ZC3H13: variants seen among roughly 807,000 people sequenced by gnomAD.
ZC3H13 encodes zinc finger CCCH-type containing 13.
In ZC3H13, 64 loss-of-function variants were observed where a neutral mutation model predicts 204.1. The observed-to-expected ratio is 0.31, with a 90% CI of 0.26 to 0.39. The LOEUF (loss-of-function observed/expected upper bound fraction) is 0.39. Among genes scored for constraint, ZC3H13 ranks in the 10% least tolerant of loss-of-function variants. The pLI, the probability that ZC3H13 is intolerant of heterozygous loss-of-function variation, is 1.00. For missense variants in ZC3H13, 1,833 were observed against 2,082.7 expected, an observed-to-expected ratio of 0.88 and a Z score of 2.33; for synonymous variants, 667 against 693.7, an observed-to-expected ratio of 0.96 and a Z score of 0.60.
At chr13:45,992,990 G>GC (rs1305354957) in intron 8 of ZC3H13, among the ~76,000 whole-genome samples, 3 of 152,064 alleles carry the variant, frequency 2.0e-5, no homozygotes, top group Admixed American at 6.6e-5. Context: ...AATTGCATGA[G>GC]CCAATTCCTT....
intron 17 of ZC3H13, chr13:45,963,298 G>A (rs945592050): frequency 1.0e-6 from 1 of 986,796 alleles, no homozygotes; most frequent in Non-Finnish European, 1.2e-6. Context: ...ATGTCTAGGG[G>A]AAAGGGCTGC....
chr13:45,987,867 TA>T (rs1383699034), intron 9 of ZC3H13, among the ~76,000 whole-genome samples: 1 of 152,082 alleles, frequency 6.6e-6, no homozygotes, highest in African/African-American at 2.4e-5. Context: ...AGACAAGAAG[TA>T]AAGAAAGAGA....
intron 10 of ZC3H13, among the ~76,000 whole-genome samples, chr13:45,980,693 C>T (rs1279092826): frequency 6.6e-6 from 1 of 152,138 alleles, no homozygotes; most frequent in African/African-American, 2.4e-5. Context: ...TAGCATTATT[C>T]CATTTACGAG....
chr13:46,015,876 T>G (rs1262587048), intron 5 of ZC3H13, among the ~76,000 whole-genome samples: 2 of 151,978 alleles, frequency 1.3e-5, no homozygotes, highest in Non-Finnish European at 2.9e-5. Context: ...AACAATATAT[T>G]TATATATCTG....
intron 16 of ZC3H13, 74 bp downstream of exon 16, chr13:45,965,206 G>A: frequency 1.3e-6 from 2 of 1,519,246 alleles, no homozygotes; most frequent in South Asian, 2.7e-5. Flanking sequence ...AATTTTTACA[G>A]AGTAGAAGGT....
chr13:46,050,462 T>C (rs760692889), intron 1 of ZC3H13, among the ~76,000 whole-genome samples: 4 of 152,156 alleles, frequency 2.6e-5, no homozygotes, highest in Non-Finnish European at 5.9e-5. Flanking sequence ...TCCGGATGAG[T>C]AGCGGCATAA....
chr13:46,020,620 G>T, intron 4 of ZC3H13, 63 bp from the exon 5 acceptor site: 4 of 1,061,884 alleles, frequency 3.8e-6, no homozygotes, highest in African/African-American at 1.7e-5. Context: ...GTAGTTTATT[G>T]TAATAAGAGA....
chr13:46,008,528 TAAAG>T (rs1426329863), intron 7 of ZC3H13, among the ~76,000 whole-genome samples: 2 of 152,090 alleles, frequency 1.3e-5, no homozygotes, highest in African/African-American at 4.8e-5. Flanking sequence ...GTGTTACTAA[TAAAG>T]AAGCAAAAGA....
Position 45,967,599 on chromosome 13 carries a change from G to A in ZC3H13, c.4226C>T (p.Ser1409Phe). The A allele has an allele frequency of 6.2e-7, 1 of 1,614,038 alleles. No individual in the cohort carries two copies. Among genetic ancestry groups the A allele is most frequent in the Non-Finnish European group, 8.5e-7 (1 of 1,179,968 alleles). The change falls in exon 15 of 19, where the codon TCT becomes TTT. Residue 1409 changes from serine to phenylalanine, a missense_variant. Ser to Phe is a radical substitution (Grantham distance 155). Around this residue, in one of 5 missense-constraint regions of ZC3H13, gnomAD observed 1,574 missense variants for 1,757.2 expected, o/e 0.90. Coordinates refer to ENST00000679008, the MANE Select transcript of ZC3H13 (RefSeq NM_001330564.2). Reference protein sequence around the residue: ...ERDLESTSRDSLALDKERMDK... With the variant: ...ERDLESTSRDFLALDKERMDK... ...CATTCTCTCTTTATCCAAGGCTAGA[G>A]AGTCTCGGGAAGTGCTTTCTAGATC...
chr13:45,984,998 G>C (rs1043666814), intron 10 of ZC3H13, among the ~76,000 whole-genome samples: 2 of 152,022 alleles, frequency 1.3e-5, no homozygotes, highest in African/African-American at 4.8e-5. Context: ...TTAACAGAAA[G>C]CAACTTCCTC....
chr13:45,985,180 A>G, intron 10 of ZC3H13, 117 bp downstream of exon 10: 1 of 1,092,700 alleles, frequency 9.2e-7, no homozygotes, highest in Non-Finnish European at 1.3e-6. Context: ...AAGTTCAATT[A>G]ATTAAAAATT....
At chr13:46,040,645 C>T (rs2043513427) in intron 4 of ZC3H13, among the ~76,000 whole-genome samples, 1 of 152,012 alleles carries the variant, frequency 6.6e-6, no homozygotes, top group Non-Finnish European at 1.5e-5. Context: ...CTTTAAAGGA[C>T]ACCATCAAGA....
rs567417244 is a variant in ZC3H13 at position 46,029,554 on chromosome 13, G to A, written c.340-8997C>T. On this transcript the variant is annotated intron_variant, in intron 4 of 18. Coordinates refer to ENST00000679008, the MANE Select transcript of ZC3H13 (RefSeq NM_001330564.2). ...CGCCATTCTCCTGCCTCAGCCTCCC[G>A]AGTAGCTGGGACTACAGGCGCCCGC... Among the ~76,000 whole-genome samples, 14 of 149,738 alleles carry A rather than the reference G, an allele frequency of 9.3e-5. No homozygotes were observed. In the East Asian group the frequency reaches 1.2e-3, roughly 13 times the overall value.
chr13:45,996,382 C>A (rs942291901), intron 8 of ZC3H13, among the ~76,000 whole-genome samples: 4 of 152,120 alleles, frequency 2.6e-5, no homozygotes, highest in Non-Finnish European at 4.4e-5. Flanking sequence ...CTCTTCTAAA[C>A]AATTTACAGG....
chr13:46,046,965 TATCAATCATCAAAAGTTACTAGAATGAAC>T (rs1266610335), intron 1 of ZC3H13, among the ~76,000 whole-genome samples: 4 of 152,210 alleles, frequency 2.6e-5, no homozygotes, highest in African/African-American at 7.2e-5. Context: ...GTTGAAATCT[TATCAATCATCAAAAGTTACTAGAATGAAC>T]CACAGCAGCT....
intron 8 of ZC3H13, among the ~76,000 whole-genome samples, chr13:45,990,050 T>C (rs989727058): frequency 2.0e-5 from 3 of 152,234 alleles, no homozygotes; most frequent in African/African-American, 2.4e-5. Flanking sequence ...TGTGCAGTGA[T>C]GGCACAAATC....
intron 5 of ZC3H13, among the ~76,000 whole-genome samples, chr13:46,012,689 T>C (rs2041646259): frequency 6.6e-6 from 1 of 152,164 alleles, no homozygotes; most frequent in African/African-American, 2.4e-5. Flanking sequence ...TGAAATAGGC[T>C]AAAGCATGTT....
chr13:46,028,534 C>A (rs1593745482), intron 4 of ZC3H13, among the ~76,000 whole-genome samples: 1 of 152,164 alleles, frequency 6.6e-6, no homozygotes, highest in East Asian at 1.9e-4. Flanking sequence ...TCATACAGAT[C>A]ATTCACCAAG....
At chr13:46,024,962 T>C (rs1041127248) in intron 4 of ZC3H13, among the ~76,000 whole-genome samples, 3 of 152,224 alleles carry the variant, frequency 2.0e-5, no homozygotes, top group Non-Finnish European at 1.5e-5. Context: ...GTTTCTGAGC[T>C]TCCTATATAA....
Sources: gnomAD v4.1 joint callset for allele counts (sites outside exome capture counted in the v4.1 genomes callset) on GRCh38, gnomAD v4.1.1 for gene constraint, gnomAD v4.1.1 regional missense constraint, MANE v1.5 for transcripts, NCBI Gene and HGNC (gene_info 2026-07-23, HGNC 2026-07-21) for gene names.